GNA11: variants seen among roughly 807,000 people sequenced by gnomAD.
The protein encoded by GNA11 is G protein subunit alpha 11.
GNA11 carries 8 observed loss-of-function variants against 38.2 expected under a neutral mutation model. The ratio of observed to expected loss-of-function variants is 0.21; its 90% CI spans 0.12 to 0.38. The LOEUF is 0.38. Ranked by LOEUF, GNA11 falls within the 10% of genes least tolerant of loss-of-function variation. The pLI, the probability that GNA11 is intolerant of heterozygous loss-of-function variation, is 1.00. For missense variants in GNA11, 268 were observed against 516.3 expected (o/e 0.52, Z 4.66); for synonymous variants, 211 against 221.4 (o/e 0.95, Z 0.42).
rs1046593676 is a variant in GNA11, at chr19:3,119,878, C to T, written c.889+519C>T. On this transcript the variant is annotated intron_variant, in intron 6 of 6. Transcript: ENST00000078429. This position sits in a 1 kb window ranked among gnomAD's most constrained non-coding sequence, Gnocchi z 4.6. ...GCCCTACTGCCCCCACCCTCGGACCCGTCCCTCCCTACGTGGCCCCTGCCC... is the reference window on the plus strand; with the variant it reads ...GCCCTACTGCCCCCACCCTCGGACCTGTCCCTCCCTACGTGGCCCCTGCCC... 1.3e-5 allele frequency among the ~76,000 whole-genome samples: 2 copies of T among 152,044 alleles called. No individual in the cohort carries two copies. The highest frequency in any genetic ancestry group is 2.4e-5 in the African/African-American group (1 of 41,374).
chr19:3,096,014 C>T (rs1345645023), intron 1 of GNA11, among the ~76,000 whole-genome samples: 1 of 152,138 alleles, frequency 6.6e-6, no homozygotes, highest in Non-Finnish European at 1.5e-5. Flanking sequence ...TAGGTTAGCT[C>T]CTGGGCCGGG....
intron 4 of GNA11, chr19:3,115,306 G>A (rs1222769265): frequency 2.2e-6 from 1 of 451,750 alleles, no homozygotes; most frequent in Non-Finnish European, 4.0e-6. Context: ...TCAGGAGGCT[G>A]AGGCAGGAGG....
At chr19:3,098,669 G>C (rs1444395097) in intron 1 of GNA11, among the ~76,000 whole-genome samples, 1 of 152,230 alleles carries the variant, frequency 6.6e-6, no homozygotes, top group Non-Finnish European at 1.5e-5. Context: ...GATCCAGCAT[G>C]GGGTGCGGTG....
Position 3,110,540 on chromosome 19 carries a change from G to A in GNA11, c.321+207G>A, listed in dbSNP as rs1430336034. 6.6e-6 allele frequency among the ~76,000 whole-genome samples: 1 copy of A among 152,212 alleles called. No homozygotes were observed. The highest frequency in any genetic ancestry group is 1.5e-5 in the Non-Finnish European group (1 of 68,048). The stretch of plus-strand genomic sequence containing the variant: ...CAACTGGAGAGTTGTGATGGGCATT[G>A]CGTGGCCAAGCCCCACAGCCTCCCT... On this transcript the variant is annotated intron_variant, in intron 2 of 6. Coordinates refer to ENST00000078429, the MANE Select transcript of GNA11 (RefSeq NM_002067.5). The surrounding 1 kb of genome is among the most constrained non-coding windows in gnomAD (Gnocchi z 5.4).
chr19:3,109,513 G>C (rs1281044623), intron 1 of GNA11, among the ~76,000 whole-genome samples: 1 of 152,234 alleles, frequency 6.6e-6, no homozygotes, highest in African/African-American at 2.4e-5. Flanking sequence ...ACGTAAAGGG[G>C]TTCAGGGATG....
At chr19:3,096,855 C>T (rs777657530) in intron 1 of GNA11, among the ~76,000 whole-genome samples, 2 of 152,202 alleles carry the variant, frequency 1.3e-5, no homozygotes, top group African/African-American at 4.8e-5. Context: ...GTGTCAGTGC[C>T]ACGCAGAGAG....
At chr19:3,112,809 C>G (rs545014292) in intron 2 of GNA11, among the ~76,000 whole-genome samples, 25 of 152,350 alleles carry the variant, frequency 1.6e-4, no homozygotes, top group Admixed American at 3.3e-4. Flanking sequence ...AGAGAGAAGC[C>G]GGCGGGGCAG....
chr19:3,109,565 C>A (rs1363538311), intron 1 of GNA11, among the ~76,000 whole-genome samples: 1 of 152,240 alleles, frequency 6.6e-6, no homozygotes, highest in Non-Finnish European at 1.5e-5. Context: ...TCCTGGCTGA[C>A]CCCGCCACAG....
At chr19:3,096,315 C>A (rs762303285) in intron 1 of GNA11, among the ~76,000 whole-genome samples, 3 of 152,178 alleles carry the variant, frequency 2.0e-5, no homozygotes, top group Non-Finnish European at 4.4e-5. Context: ...GTGGTCCTCA[C>A]GTTTGGAGGA....
rs1914073729 is a variant in GNA11 at position 3,121,453 on chromosome 19, C to CAA, written c.*274_*275insAA. The CAA allele has an allele frequency of 3.6e-5, 7 of 197,106 alleles. No homozygotes were observed. Among genetic ancestry groups the CAA allele is most frequent in the Admixed American group, 9.8e-5 (1 of 10,200 alleles). The allele number at this position is 197,106 out of a possible 1,614,324, so 12.2% of individuals were successfully genotyped here. On this transcript the variant is annotated 3_prime_UTR_variant, in exon 7 of 7. Transcript: ENST00000078429. The stretch of plus-strand genomic sequence containing the variant: ...GCCTTGACTTATGGCTCGCTTTTTT[C>CAA]TAAAAAAAAAAAAAAAAGAAAGAAA...
rs897497979 is a variant in GNA11, at chr19:3,120,611, A to C, written c.890-378A>C. 5.9e-5 allele frequency among the ~76,000 whole-genome samples: 9 copies of C among 152,156 alleles called. No individual in the cohort carries two copies. Among genetic ancestry groups the C allele is most frequent in the Non-Finnish European group, 8.8e-5 (6 of 67,992 alleles). ...TTCCTGCTCTGTAGGCTCTGTGCCC[A>C]GCCCTGGGGGCCTCTCCTCTCACCC... On this transcript the variant is annotated intron_variant, in intron 6 of 6. Coordinates refer to ENST00000078429, the MANE Select transcript of GNA11 (RefSeq NM_002067.5). This position sits in a 1 kb window ranked among gnomAD's most constrained non-coding sequence, Gnocchi z 5.9.
At chr19:3,106,340 T>C (rs1420181571) in intron 1 of GNA11, among the ~76,000 whole-genome samples, 1 of 152,080 alleles carries the variant, frequency 6.6e-6, no homozygotes, top group Admixed American at 6.6e-5. Flanking sequence ...AGCAGCTGAG[T>C]TGGCGCGGGG....
At chr19:3,115,148 G>T (rs1015602069) in intron 4 of GNA11, 76 bp downstream of exon 4, 1 of 1,509,014 alleles carries the variant, frequency 6.6e-7, no homozygotes, top group South Asian at 1.2e-5. Context: ...TCATGCCTGC[G>T]CACCCAGTGC....
chr19:3,098,210 G>T (rs554205790), intron 1 of GNA11, among the ~76,000 whole-genome samples: 2 of 152,336 alleles, frequency 1.3e-5, no homozygotes, highest in Admixed American at 6.5e-5. Flanking sequence ...CACTTCTGTC[G>T]ATGCTGGTGA....
At chr19:3,104,024 G>A (rs1316412954) in intron 1 of GNA11, among the ~76,000 whole-genome samples, 1 of 152,164 alleles carries the variant, frequency 6.6e-6, no homozygotes, top group Non-Finnish European at 1.5e-5. Flanking sequence ...GTTTCACCAT[G>A]TTGGCTAGGC....
At position 3,108,565 on chromosome 19, in the gene GNA11, G is replaced by T. The variant is rs1474356165; in HGVS notation, c.137-1584G>T. On this transcript the variant is annotated intron_variant, in intron 1 of 6. Coordinates refer to ENST00000078429, the MANE Select transcript of GNA11 (RefSeq NM_002067.5). The surrounding 1 kb of genome is among the most constrained non-coding windows in gnomAD (Gnocchi z 4.5). ...GGGCATGCTGGGAGGGGGCGGTGACGCTTGAGTCTCTAGGGCACCGGGGGC... is the reference window on the plus strand; with the variant it reads ...GGGCATGCTGGGAGGGGGCGGTGACTCTTGAGTCTCTAGGGCACCGGGGGC... 2.0e-5 allele frequency among the ~76,000 whole-genome samples: 3 copies of T among 152,054 alleles called. No homozygotes were observed. The highest frequency in any genetic ancestry group is 4.4e-5 in the Non-Finnish European group (3 of 68,012).
At chr19:3,101,356 C>T (rs1473707795) in intron 1 of GNA11, among the ~76,000 whole-genome samples, 5 of 152,044 alleles carry the variant, frequency 3.3e-5, no homozygotes, top group Non-Finnish European at 7.4e-5. Context: ...ATGAGTGCAG[C>T]CCCCACGGCT....
chr19:3,099,097 T>C (rs556960854), intron 1 of GNA11, among the ~76,000 whole-genome samples: 1 of 152,090 alleles, frequency 6.6e-6, no homozygotes, highest in Non-Finnish European at 1.5e-5. Flanking sequence ...CTGAGTCTTG[T>C]GGTGGAGCCT....
intron 4 of GNA11, among the ~76,000 whole-genome samples, chr19:3,116,436 C>G (rs1458926457): frequency 6.6e-6 from 1 of 151,736 alleles, no homozygotes; most frequent in African/African-American, 2.4e-5. Context: ...TCACTCGGCT[C>G]CTAGTGGCGG....
Sources: allele counts gnomAD v4.1 joint callset (sites outside exome capture counted in the v4.1 genomes callset), GRCh38; gene constraint gnomAD v4.1.1; non-coding constraint Gnocchi (gnomAD v3.1); transcripts MANE v1.5; gene names NCBI Gene and HGNC (gene_info 2026-07-23, HGNC 2026-07-21).